The following SDCCAG8 variants were observed in gnomAD, a reference collection of about 807,000 sequenced individuals.
SDCCAG8 encodes SHH signaling and ciliogenesis regulator SDCCAG8, also known as serologically defined colon cancer antigen 8.
SDCCAG8 carries 74 observed loss-of-function variants against 101.8 expected under a neutral mutation model. The observed-to-expected ratio is 0.73, with a 90% CI of 0.60 to 0.88. The LOEUF (loss-of-function observed/expected upper bound fraction) is 0.88, where lower values mean the gene tolerates loss of function less well. SDCCAG8 is among the 40% of genes least tolerant of loss of function. The pLI, the probability that SDCCAG8 is intolerant of heterozygous loss-of-function variation, is 0.00. For synonymous variants in SDCCAG8, 281 were observed against 292.9 expected, an observed-to-expected ratio of 0.96 and a Z score of 0.41; for missense variants, 787 against 822.6, an observed-to-expected ratio of 0.96 and a Z score of 0.53.
chr1:243,485,698 G>A (rs1201166546), intron 16 of SDCCAG8, among the ~76,000 whole-genome samples: 1 of 151,908 alleles, frequency 6.6e-6, no homozygotes, highest in Non-Finnish European at 1.5e-5. Flanking sequence ...GAGGTCAGGA[G>A]TTCAAGACAA....
At chr1:243,281,327 G>C (rs959201572) in intron 4 of SDCCAG8, among the ~76,000 whole-genome samples, 1 of 146,906 alleles carries the variant, frequency 6.8e-6, no homozygotes, top group African/African-American at 2.5e-5. Context: ...TTAGAGATGG[G>C]GTCTCACTAT....
At chr1:243,332,083 G>A (rs570545748) in intron 10 of SDCCAG8, among the ~76,000 whole-genome samples, 3 of 152,268 alleles carry the variant, frequency 2.0e-5, no homozygotes, top group Non-Finnish European at 1.5e-5. Flanking sequence ...GAGGGGAAGA[G>A]GGTTTCAGGC....
At chr1:243,362,662 CA>C (rs1320388290) in intron 12 of SDCCAG8, among the ~76,000 whole-genome samples, 2 of 152,140 alleles carry the variant, frequency 1.3e-5, no homozygotes, top group African/African-American at 2.4e-5. Flanking sequence ...TTAGCTTTTC[CA>C]CCTTCATCTC....
In SDCCAG8 at chr1:243,256,112, C is replaced by T. The variant is rs1328468236; in HGVS notation, c.-62C>T. ...TCCCCGGCCACAGGCCTGTTGTTCT[C>T]GGAAGGGAGAAAGCTGGACATTTCC... On this transcript the variant is annotated 5_prime_UTR_variant, in exon 1 of 18. Transcript: ENST00000366541. 2 of 1,519,684 alleles carry T rather than the reference C, an allele frequency of 1.3e-6. No homozygotes were observed. Among genetic ancestry groups the T allele is most frequent in the African/African-American group, 1.4e-5 (1 of 73,130 alleles). The allele number at this position is 1,519,684 out of a possible 1,614,324, so 94.1% of individuals were successfully genotyped here.
intron 10 of SDCCAG8, 53 bp from the exon 11 acceptor site, chr1:243,340,986 T>C (rs138295164): frequency 3.8e-6 from 6 of 1,560,022 alleles, no homozygotes; most frequent in Admixed American, 1.7e-5. Flanking sequence ...AAAGTTTTAG[T>C]ATTTGATTTG....
At chr1:243,456,477 A>G (rs2083764882) in intron 16 of SDCCAG8, among the ~76,000 whole-genome samples, 1 of 152,210 alleles carries the variant, frequency 6.6e-6, no homozygotes, top group Admixed American at 6.5e-5. Flanking sequence ...TAAAAAATGC[A>G]TGCCTCTGAA....
At chr1:243,348,757 G>A (rs2075897482) in intron 12 of SDCCAG8, among the ~76,000 whole-genome samples, 1 of 150,496 alleles carries the variant, frequency 6.6e-6, no homozygotes, top group African/African-American at 2.4e-5. Context: ...CGGATCACCT[G>A]AGGTCGGGAG....
chr1:243,367,750 T>A (rs1025591449), intron 12 of SDCCAG8, among the ~76,000 whole-genome samples: 11 of 149,002 alleles, frequency 7.4e-5, no homozygotes, highest in African/African-American at 1.5e-4. Flanking sequence ...TGTATAATAT[T>A]AATATAATAT....
chr1:243,335,184 T>G (rs749349530), intron 10 of SDCCAG8, among the ~76,000 whole-genome samples: 2 of 152,200 alleles, frequency 1.3e-5, no homozygotes, highest in Non-Finnish European at 2.9e-5. Flanking sequence ...CAGAACTGAT[T>G]GTCTGCAAGA....
intron 15 of SDCCAG8, among the ~76,000 whole-genome samples, chr1:243,422,702 C>T (rs1456312763): frequency 1.3e-5 from 2 of 152,110 alleles, no homozygotes; most frequent in East Asian, 1.9e-4. Flanking sequence ...ATATTGGCCT[C>T]TGCTAATTGT....
At chr1:243,473,374 C>T (rs200566782) in intron 16 of SDCCAG8, among the ~76,000 whole-genome samples, 1 of 152,152 alleles carries the variant, frequency 6.6e-6, no homozygotes, top group East Asian at 1.9e-4. Context: ...CCCCTTCTTG[C>T]TTTAAATGTC....
At chr1:243,421,388 C>T (rs1296406300) in intron 15 of SDCCAG8, among the ~76,000 whole-genome samples, 1 of 152,188 alleles carries the variant, frequency 6.6e-6, no homozygotes, top group Admixed American at 6.5e-5. Context: ...CTCTCTGCCC[C>T]AGCTTCATGC....
At chr1:243,379,344 A>G (rs1298379484) in intron 13 of SDCCAG8, among the ~76,000 whole-genome samples, 1 of 152,224 alleles carries the variant, frequency 6.6e-6, no homozygotes, top group Admixed American at 6.5e-5. Context: ...TTGAGATGAA[A>G]TAGATTGGCA....
chr1:243,445,394 C>A (rs952663208), intron 16 of SDCCAG8, among the ~76,000 whole-genome samples: 2 of 152,198 alleles, frequency 1.3e-5, no homozygotes, highest in Admixed American at 1.3e-4. Flanking sequence ...CTACTGTACC[C>A]ACTCAATAAC....
intron 16 of SDCCAG8, among the ~76,000 whole-genome samples, chr1:243,447,244 G>C (rs1287255926): frequency 1.6e-5 from 1 of 64,256 alleles, no homozygotes; most frequent in Non-Finnish European, 2.6e-5. Flanking sequence ...ACAAGACTTC[G>C]TCTCAAAAAA....
At chr1:243,423,867 T>C (rs1237885616) in intron 15 of SDCCAG8, among the ~76,000 whole-genome samples, 1 of 152,142 alleles carries the variant, frequency 6.6e-6, no homozygotes, top group African/African-American at 2.4e-5. Context: ...ACTTCATGTT[T>C]ACCTCACAGA....
chr1:243,348,252 G>A (rs1291490696), intron 12 of SDCCAG8, among the ~76,000 whole-genome samples: 3 of 145,206 alleles, frequency 2.1e-5, no homozygotes, highest in Non-Finnish European at 4.5e-5. Flanking sequence ...GGGTTTCGCC[G>A]TGTTAGCCAG....
chr1:243,446,269 CCTT>C (rs1227008433), intron 16 of SDCCAG8, among the ~76,000 whole-genome samples: 1 of 152,116 alleles, frequency 6.6e-6, no homozygotes, highest in African/African-American at 2.4e-5. Flanking sequence ...TATCTTTCCT[CCTT>C]CTTTTTTTAA....
chr1:243,277,054 G>A (rs529728805), intron 4 of SDCCAG8, among the ~76,000 whole-genome samples: 1 of 152,258 alleles, frequency 6.6e-6, no homozygotes, highest in South Asian at 2.1e-4. Context: ...GCACCTATGG[G>A]AGGGCATCTT....
Sources: allele counts gnomAD v4.1 joint callset (sites outside exome capture counted in the v4.1 genomes callset), GRCh38; gene constraint gnomAD v4.1.1; transcripts MANE v1.5; gene names NCBI Gene and HGNC (gene_info 2026-07-23, HGNC 2026-07-21).